Variants in CYFIP2 observed in about 807,000 individuals in gnomAD.
CYFIP2 encodes cytoplasmic FMR1-interacting protein 2.
Under a neutral mutation model 158.7 loss-of-function variants are expected in CYFIP2, and 29 were observed. The observed-to-expected ratio is 0.18, with a 90% CI of 0.14 to 0.25. The LOEUF (loss-of-function observed/expected upper bound fraction) is 0.25, where lower values mean the gene tolerates loss of function less well. CYFIP2 is among the 10% of genes least tolerant of loss of function. CYFIP2 has a pLI of 1.00. For synonymous variants in CYFIP2, 585 were observed against 617.6 expected, an observed-to-expected ratio of 0.95 and a Z score of 0.78; for missense variants, 852 against 1,639.5, an observed-to-expected ratio of 0.52 and a Z score of 8.29.
At chr5:157,296,363 G>C in intron 4 of CYFIP2, 2 of 384,516 alleles carry the variant, frequency 5.2e-6, no homozygotes, top group South Asian at 3.9e-5. Flanking sequence ...GGAGGCTGAG[G>C]TGGGAGGATT....
At chr5:157,283,702 A>T (rs751857819) in intron 1 of CYFIP2, among the ~76,000 whole-genome samples, 3 of 152,188 alleles carry the variant, frequency 2.0e-5, no homozygotes, top group African/African-American at 7.2e-5. Flanking sequence ...GAATCTAGTT[A>T]GCTGCACAGC....
intron 21 of CYFIP2, among the ~76,000 whole-genome samples, chr5:157,336,102 T>G (rs890120573): frequency 7.2e-5 from 11 of 152,136 alleles, no homozygotes; most frequent in Non-Finnish European, 1.5e-4. Flanking sequence ...GCTGAGAAGC[T>G]TCTACCTCCT....
intron 26 of CYFIP2, among the ~76,000 whole-genome samples, chr5:157,370,793 C>T (rs184078235): frequency 1.3e-5 from 2 of 152,308 alleles, no homozygotes; most frequent in African/African-American, 4.8e-5. Flanking sequence ...AGATCTTTTC[C>T]AGTTGACCAG....
intron 9 of CYFIP2, among the ~76,000 whole-genome samples, 172 bp from the exon 10 acceptor site, chr5:157,309,571 G>C (rs1201560036): frequency 1.3e-5 from 2 of 152,142 alleles, no homozygotes; most frequent in Non-Finnish European, 2.9e-5. Flanking sequence ...CCTATACGCT[G>C]GCTAGGGCTC....
At chr5:157,295,937 T>G (rs1561700191) in intron 4 of CYFIP2, among the ~76,000 whole-genome samples, 1 of 152,204 alleles carries the variant, frequency 6.6e-6, no homozygotes, top group East Asian at 1.9e-4. Context: ...GAAATGGGCC[T>G]GGGTAGGTCT....
At chr5:157,364,201 T>TTGGG (rs1764132004) in intron 26 of CYFIP2, 1 of 15,110 alleles carries the variant, frequency 6.6e-5, no homozygotes, top group Non-Finnish European at 2.1e-4. Flanking sequence ...TGGGGCGGGG[T>TTGGG]GGCGGGGGGG....
At chr5:157,324,357 G>C (rs560468168) in intron 16 of CYFIP2, among the ~76,000 whole-genome samples, 21 of 152,284 alleles carry the variant, frequency 1.4e-4, no homozygotes, top group African/African-American at 5.1e-4. Flanking sequence ...ACAAGAATAC[G>C]TACATACAGA....
chr5:157,358,882 G>A, intron 23 of CYFIP2, 123 bp from the exon 24 acceptor site: 1 of 1,254,234 alleles, frequency 8.0e-7, no homozygotes, highest in South Asian at 1.3e-5. Flanking sequence ...TATTCATGGG[G>A]CTCCAGTGAG....
At chr5:157,368,525 G>A (rs1764650042) in intron 26 of CYFIP2, among the ~76,000 whole-genome samples, 1 of 152,192 alleles carries the variant, frequency 6.6e-6, no homozygotes, top group African/African-American at 2.4e-5. Flanking sequence ...TTCTGTATGA[G>A]TGTTTCTCTT....
chr5:157,389,978 T>TCTCTTGAGAGTTGGGGGCCAGGC (rs1767108362), intron 29 of CYFIP2, among the ~76,000 whole-genome samples: 1 of 152,110 alleles, frequency 6.6e-6, no homozygotes, highest in Non-Finnish European at 1.5e-5. Flanking sequence ...ATTGCCTAGG[T>TCTCTTGAGAGTTGGGGGCCAGGC]CTCTTGAGAG....
At position 157,336,345 on chromosome 5, in the gene CYFIP2, T is replaced by A. The variant is rs370183667; in HGVS notation, c.2386-2712T>A. ...TTTTGTTTAGGCAGCATAGTACATT[T>A]GTAATTTTGAGCCAATGTTTAACAT... On this transcript the variant is annotated intron_variant, in intron 21 of 30. Transcript: ENST00000620254. 1.3e-3 allele frequency among the ~76,000 whole-genome samples: 201 copies of A among 152,336 alleles called. 2 individuals are homozygous for A. The highest frequency in any genetic ancestry group is 0.012 in the South Asian group (58 of 4,826).
intron 28 of CYFIP2, chr5:157,384,404 A>G (rs1050325973): frequency 2.2e-6 from 1 of 456,668 alleles, no homozygotes; most frequent in African/African-American, 2.0e-5. Flanking sequence ...ACTGTTTAAG[A>G]GATTTAGGAT....
intron 28 of CYFIP2, among the ~76,000 whole-genome samples, chr5:157,385,979 A>G (rs1766643172): frequency 6.6e-6 from 1 of 152,182 alleles, no homozygotes; most frequent in African/African-American, 2.4e-5. Context: ...CCAAACTGCA[A>G]ATTGAGGGTA....
In CYFIP2 at chr5:157,314,971, C is replaced by T; in HGVS notation, c.1233C>T (p.Tyr411=). The change falls in exon 13 of 31, where the codon TAC becomes TAT. Residue 411 remains tyrosine (Y), a splice_region_variant and synonymous_variant. Transcript: ENST00000620254. ...SKWSAHVMEV[Y]SWKLVHPTDK... ...TGGTTTGTTCCCACTCTCCCCAGTA[C>T]TCTTGGAAGCTGGTTCATCCCACAG... The T allele has an allele frequency of 1.3e-6, 2 of 1,566,032 alleles. No individual in the cohort carries two copies. Among genetic ancestry groups the T allele is most frequent in the Non-Finnish European group, 1.7e-6 (2 of 1,154,558 alleles).
chr5:157,266,645 CAGCGAG>C lies in CYFIP2; in HGVS notation c.-24+454_-24+459del, dbSNP rs1321482146. The C allele has an allele frequency of 1.3e-5, 2 of 152,488 alleles. No individual in the cohort carries two copies. Among genetic ancestry groups the C allele is most frequent in the Non-Finnish European group, 2.9e-5 (2 of 68,304 alleles). The allele number at this position is 152,488 out of a possible 1,614,324, so 9.4% of individuals were successfully genotyped here. ...TGACCACCGTCACCTCCCCCAGGGC[CAGCGAG>C]AGCCGCCTGGGCCCGCCTGGCAGCC... On this transcript the variant is annotated intron_variant, in intron 1 of 30. Transcript: ENST00000620254. This position sits in a 1 kb window ranked among gnomAD's most constrained non-coding sequence, Gnocchi z 4.2.
chr5:157,280,877 A>G lies in CYFIP2; in HGVS notation c.-23-4462A>G, dbSNP rs76516235. On this transcript the variant is annotated intron_variant, in intron 1 of 30. Transcript: ENST00000620254. Reference sequence around the variant, plus strand: ...TGATATTATCAAACCTAAATACAATATTTCCTTCATATTATCAAATATCCA... The same window carrying G: ...TGATATTATCAAACCTAAATACAATGTTTCCTTCATATTATCAAATATCCA... 7.3e-3 allele frequency among the ~76,000 whole-genome samples: 1,113 copies of G among 152,218 alleles called. 11 individuals are homozygous for G. The highest frequency in any genetic ancestry group is 0.025 in the African/African-American group (1,048 of 41,514).
intron 3 of CYFIP2, among the ~76,000 whole-genome samples, chr5:157,288,348 A>C (rs1390827477): frequency 2.0e-5 from 3 of 152,148 alleles, no homozygotes; most frequent in Admixed American, 6.5e-5. Context: ...ACCTCTCAAC[A>C]CTGTTGCACT....
At position 157,361,392 on chromosome 5, in the gene CYFIP2, C is replaced by CTT; in HGVS notation, c.2909-76_2909-75insTT. The stretch of plus-strand genomic sequence containing the variant: ...TATCCCAGAGTCAGGTCTGGGGCTG[C>CTT]CACTCAGTCATTGTTTCCCATAGAC... On this transcript the variant is annotated intron_variant, in intron 25 of 30. Coordinates refer to ENST00000620254, the MANE Select transcript of CYFIP2 (RefSeq NM_001037333.3). This position sits in a 1 kb window ranked among gnomAD's most constrained non-coding sequence, Gnocchi z 4.4. 1 of 1,596,420 alleles carries CTT rather than the reference C, an allele frequency of 6.3e-7. No individual in the cohort carries two copies. The highest frequency in any genetic ancestry group is 8.6e-7 in the Non-Finnish European group (1 of 1,168,426).
chr5:157,302,037 A>T (rs886822615), intron 6 of CYFIP2, among the ~76,000 whole-genome samples: 1 of 152,174 alleles, frequency 6.6e-6, no homozygotes, highest in Admixed American at 6.5e-5. Context: ...AACTTTACAA[A>T]GTTTTTATGG....
Sources: gnomAD v4.1 joint callset for allele counts (sites outside exome capture counted in the v4.1 genomes callset) on GRCh38, gnomAD v4.1.1 for gene constraint, Gnocchi (gnomAD v3.1) non-coding constraint, MANE v1.5 for transcripts, NCBI Gene and HGNC (gene_info 2026-07-23, HGNC 2026-07-21) for gene names.